CATSPERE: variants seen among roughly 807,000 people sequenced by gnomAD.
The protein encoded by CATSPERE is cation channel sperm-associated auxiliary subunit epsilon.
In CATSPERE, 93 loss-of-function variants were observed where a neutral mutation model predicts 114.1. The observed-to-expected ratio is 0.81, with a 90% CI of 0.69 to 0.97. CATSPERE has a LOEUF of 0.97. Ranked by LOEUF, CATSPERE falls within the 50% of genes least tolerant of loss-of-function variation. The pLI is 0.00. For synonymous variants in CATSPERE, 341 were observed against 384.1 expected (o/e 0.89, Z 1.31); for missense variants, 1,058 against 1,131.6 (o/e 0.93, Z 0.93).
At chr1:244,490,291 T>C (rs904686589) in intron 5 of CATSPERE, among the ~76,000 whole-genome samples, 156 bp from the exon 6 acceptor site, 3 of 152,180 alleles carry the variant, frequency 2.0e-5, no homozygotes, top group Non-Finnish European at 2.9e-5. Flanking sequence ...AGACATGTGA[T>C]TTTTTGTTTT....
chr1:244,538,381 G>C (rs1680690935), intron 8 of CATSPERE, among the ~76,000 whole-genome samples: 1 of 152,096 alleles, frequency 6.6e-6, no homozygotes, highest in Admixed American at 6.6e-5. Flanking sequence ...AAAACAGAGG[G>C]GGAAGTGGTA....
chr1:244,614,173 G>A (rs898473156), intron 19 of CATSPERE, among the ~76,000 whole-genome samples: 15 of 152,170 alleles, frequency 9.9e-5, no homozygotes, highest in African/African-American at 3.4e-4. Flanking sequence ...AAAAGCAACA[G>A]AAAACAAACT....
At position 244,504,998 on chromosome 1, in the gene CATSPERE, AT is replaced by A. The variant is rs749449779; in HGVS notation, c.429+5921del. On this transcript the variant is annotated intron_variant, in intron 7 of 21. Transcript: ENST00000366534. This position sits in a 1 kb window ranked among gnomAD's most constrained non-coding sequence, Gnocchi z 4.1. ...TTATCCCTGATTTATTTATTTACTT[AT>A]TCAATCATTTATTTATATCACTGTG... Among the ~76,000 whole-genome samples, 11 of 152,214 alleles carry A rather than the reference AT, an allele frequency of 7.2e-5. No individual in the cohort carries two copies. Among genetic ancestry groups the A allele is most frequent in the Non-Finnish European group, 1.2e-4 (8 of 68,026 alleles).
intron 6 of CATSPERE, among the ~76,000 whole-genome samples, chr1:244,498,572 G>T (rs1239423711): frequency 6.6e-6 from 1 of 152,126 alleles, no homozygotes; most frequent in Non-Finnish European, 1.5e-5. Flanking sequence ...ATGTGAGTGG[G>T]GGGGTGAGGT....
chr1:244,503,165 G>A (rs1032791482), intron 7 of CATSPERE, among the ~76,000 whole-genome samples: 14 of 152,152 alleles, frequency 9.2e-5, no homozygotes, highest in African/African-American at 3.4e-4. Context: ...AAGAGGTGTT[G>A]AATAAGTAAG....
Position 244,605,735 on chromosome 1 carries a change from T to G in CATSPERE, c.2344T>G (p.Phe782Val), listed in dbSNP as rs1558580586. The G allele has an allele frequency of 1.2e-6, 2 of 1,613,640 alleles. No homozygotes were observed. The highest frequency in any genetic ancestry group is 1.7e-6 in the Non-Finnish European group (2 of 1,179,670). The change falls in exon 18 of 22, where the codon TTC (phenylalanine) becomes GTC (valine). Residue 782 changes from phenylalanine (F) to valine (V), a missense_variant. Phe to Val is a conservative substitution (Grantham distance 50). Transcript: ENST00000366534. ...NGYVKDVEAN[F>V]IVWEIHGRDD... ...CTATGTTAAAGACGTTGAAGCAAAT[T>G]TCATAGTGTGGGAAATACACGGCAG...
chr1:244,619,019 G>C (rs575729635), intron 20 of CATSPERE, among the ~76,000 whole-genome samples: 1 of 152,270 alleles, frequency 6.6e-6, no homozygotes. Flanking sequence ...GACCACAATA[G>C]GTAATGGGGT....
upstream of CATSPERE, among the ~76,000 whole-genome samples, chr1:244,452,298 C>T (rs1316959798): frequency 1.3e-5 from 2 of 152,258 alleles, no homozygotes; most frequent in African/African-American, 2.4e-5. Flanking sequence ...TGGGCTGCGG[C>T]GGTGTATTCT....
chr1:244,606,033 A>C (rs777248402), intron 18 of CATSPERE, among the ~76,000 whole-genome samples: 3 of 152,028 alleles, frequency 2.0e-5, no homozygotes, highest in South Asian at 2.1e-4. Context: ...GGATGATGCA[A>C]CTCTATGAGT....
In CATSPERE at chr1:244,639,954, T is replaced by C. The variant is rs1675158440; in HGVS notation, c.2729T>C (p.Phe910Ser). The change falls in exon 22 of 22, where the codon TTC becomes TCC. Residue 910 changes from phenylalanine (F) to serine (S), a missense_variant. By Grantham distance (155) the Phe-to-Ser change is radical (BLOSUM62 -2). Transcript: ENST00000366534. The stretch of plus-strand genomic sequence containing the variant: ...CCAAGTGTCTACCTGGTAGCTTCTT[T>C]CCTCTTCGTCCTGATGCTGCTCTTC... ...PSPSVYLVASFLFVLMLLFFT... is the reference protein window; with the variant it reads ...PSPSVYLVASSLFVLMLLFFT... The C allele has an allele frequency of 6.5e-7, 1 of 1,550,232 alleles. No individual in the cohort carries two copies. Among genetic ancestry groups the C allele is most frequent in the Non-Finnish European group, 8.7e-7 (1 of 1,146,726 alleles).
At chr1:244,629,277 C>T (rs564146832) in intron 20 of CATSPERE, among the ~76,000 whole-genome samples, 68 of 152,274 alleles carry the variant, frequency 4.5e-4, no homozygotes, top group Non-Finnish European at 6.6e-4. Flanking sequence ...ACCATCTAGA[C>T]GGGCTTTTCA....
intron 17 of CATSPERE, chr1:244,598,654 CA>C: frequency 3.4e-6 from 1 of 294,056 alleles, no homozygotes; most frequent in Non-Finnish European, 7.1e-6. Context: ...CACTTCTAAA[CA>C]AAAACACTTT....
chr1:244,547,101 A>G (rs1277578329), intron 8 of CATSPERE, among the ~76,000 whole-genome samples: 2 of 152,184 alleles, frequency 1.3e-5, no homozygotes, highest in East Asian at 1.9e-4. Flanking sequence ...AGCAAATAAC[A>G]TATGAGGGAG....
chr1:244,525,040 G>A (rs1048521997), intron 8 of CATSPERE, among the ~76,000 whole-genome samples: 33 of 145,706 alleles, frequency 2.3e-4, no homozygotes, highest in East Asian at 5.8e-4. Context: ...ACATGCACAC[G>A]TATGTTTATT....
chr1:244,584,035 A>G (rs989126542), intron 13 of CATSPERE, 96 bp downstream of exon 13: 1 of 869,684 alleles, frequency 1.1e-6, no homozygotes, highest in Non-Finnish European at 1.9e-6. Context: ...CAATACCTCC[A>G]TGCAATACCT....
At chr1:244,484,571 A>G (rs1420020641) in intron 5 of CATSPERE, among the ~76,000 whole-genome samples, 3 of 152,174 alleles carry the variant, frequency 2.0e-5, no homozygotes, top group African/African-American at 7.2e-5. Flanking sequence ...GGTGTTGCAA[A>G]CTTTAGAATT....
At chr1:244,488,487 A>G (rs574643352) in intron 5 of CATSPERE, among the ~76,000 whole-genome samples, 1 of 152,332 alleles carries the variant, frequency 6.6e-6, no homozygotes, top group African/African-American at 2.4e-5. Context: ...CACTAACTCA[A>G]GAAAGCCAAG....
At chr1:244,637,557 G>A (rs957761079) in intron 21 of CATSPERE, among the ~76,000 whole-genome samples, 15 of 151,818 alleles carry the variant, frequency 9.9e-5, no homozygotes, top group South Asian at 2.1e-4. Context: ...GACACCCACC[G>A]CAACCCCCCT....
chr1:244,596,741 G>A (rs1225637107), intron 17 of CATSPERE, among the ~76,000 whole-genome samples: 1 of 149,102 alleles, frequency 6.7e-6, no homozygotes, highest in African/African-American at 2.5e-5. Context: ...AAACCTGCAC[G>A]TTCAGTACAT....
Sources: gnomAD v4.1 joint callset for allele counts (sites outside exome capture counted in the v4.1 genomes callset) on GRCh38, gnomAD v4.1.1 for gene constraint, Gnocchi (gnomAD v3.1) non-coding constraint, MANE v1.5 for transcripts, NCBI Gene and HGNC (gene_info 2026-07-23, HGNC 2026-07-21) for gene names.